CCDC30: variants seen among roughly 807,000 people sequenced by gnomAD.
CCDC30 encodes the protein coiled-coil domain containing 30.
CCDC30 carries 70 observed loss-of-function variants against 100.2 expected under a neutral mutation model. The observed-to-expected ratio is 0.70, with a 90% CI of 0.58 to 0.85. CCDC30 has a LOEUF of 0.85. CCDC30 is among the 40% of genes least tolerant of loss of function. The pLI is 0.00. For missense variants in CCDC30, 652 were observed against 771.2 expected, an observed-to-expected ratio of 0.85 and a Z score of 1.83; for synonymous variants, 233 against 269.5, an observed-to-expected ratio of 0.86 and a Z score of 1.33.
chr1:42,457,486 C>G, the CCDC30 span: 18 of 724,868 alleles, frequency 2.5e-5, no homozygotes, highest in Admixed American at 4.6e-5. Context: ...AGACACCGCC[C>G]TCCCTCATGG....
chr1:42,466,816 T>G lies in CCDC30; in HGVS notation c.-92+2918T>G, dbSNP rs184189432. On this transcript the variant is annotated intron_variant, in intron 1 of 16. Coordinates refer to ENST00000668663, the Ensembl canonical transcript of CCDC30. ...ATCCATCTGCCTCGGCCTCCCAAAG[T>G]GCTGGGATTACAGGCATGAGCCTCT... Among the ~76,000 whole-genome samples, 23 of 152,336 alleles carry G rather than the reference T, an allele frequency of 1.5e-4. No homozygotes were observed. In the East Asian group the frequency reaches 4.4e-3, roughly 29 times the overall value.
At chr1:42,539,024 G>A in intron 6 of CCDC30, 149 bp from the exon 8 acceptor site, 1 of 502,382 alleles carries the variant, frequency 2.0e-6, no homozygotes, top group Non-Finnish European at 3.4e-6. Flanking sequence ...TACTAAGAAA[G>A]GCATCGGTCT....
At position 42,579,596 on chromosome 1, in the gene CCDC30, T is replaced by C. The variant is rs147666320; in HGVS notation, c.847-1764T>C. On this transcript the variant is annotated intron_variant, in intron 8 of 16. Transcript: ENST00000668663. ...TTGCAGTGAGCTGAGATCACACCATTGCACTCCAGCCTGGGTGACAAGAGC... is the reference window on the plus strand; with the variant it reads ...TTGCAGTGAGCTGAGATCACACCATCGCACTCCAGCCTGGGTGACAAGAGC... Among the ~76,000 whole-genome samples, 219 of 151,716 alleles carry C rather than the reference T, an allele frequency of 1.4e-3. 1 individual carries two copies. The highest frequency in any genetic ancestry group is 5.0e-3 in the African/African-American group (208 of 41,332).
At chr1:42,523,803 C>T (rs1644684093) in intron 6 of CCDC30, among the ~76,000 whole-genome samples, 1 of 152,142 alleles carries the variant, frequency 6.6e-6, no homozygotes, top group South Asian at 2.1e-4. Flanking sequence ...TCCTCAAACT[C>T]AGTAATTTCA....
At chr1:42,601,318 G>A (rs1447513118) in intron 10 of CCDC30, among the ~76,000 whole-genome samples, 1 of 152,220 alleles carries the variant, frequency 6.6e-6, no homozygotes, top group Non-Finnish European at 1.5e-5. Flanking sequence ...ATTGGTGAGT[G>A]TCTGAAGGGA....
chr1:42,553,802 AT>A (rs1319226896), intron 6 of CCDC30, among the ~76,000 whole-genome samples: 3 of 152,200 alleles, frequency 2.0e-5, no homozygotes, highest in African/African-American at 7.2e-5. Flanking sequence ...TTTTATAAAA[AT>A]TTTTAAAGGC....
intron 4 of CCDC30, among the ~76,000 whole-genome samples, chr1:42,496,674 G>C (rs1230103836): frequency 6.6e-6 from 1 of 152,088 alleles, no homozygotes; most frequent in Non-Finnish European, 1.5e-5. Flanking sequence ...CTACAGCATG[G>C]AATTGTTCTA....
exon 15 of CCDC30, chr1:42,646,303 C>T (rs142983096): frequency 6.5e-7 from 1 of 1,533,710 alleles, no homozygotes. Context: ...GAAGTGGAAA[C>T]ACTCTGAGCA....
At chr1:42,595,015 G>A (rs1055868849) in intron 10 of CCDC30, 7 of 140,700 alleles carry the variant, frequency 5.0e-5, no homozygotes, top group African/African-American at 1.6e-4. Context: ...AGGTAATTTC[G>A]CTGTTTTTTT....
intron 6 of CCDC30, among the ~76,000 whole-genome samples, chr1:42,518,393 A>G (rs1257222989): frequency 2.0e-5 from 3 of 152,212 alleles, no homozygotes; most frequent in Non-Finnish European, 1.5e-5. Flanking sequence ...TTATGAGATC[A>G]TATAATCTGC....
intron 6 of CCDC30, chr1:42,500,288 G>C (rs1433860620): frequency 2.5e-6 from 4 of 1,610,698 alleles, no homozygotes; most frequent in Non-Finnish European, 3.4e-6. Context: ...GTCTTCTTCA[G>C]TTTCGACTTA....
chr1:42,485,917 A>G (rs1193732463), intron 3 of CCDC30, among the ~76,000 whole-genome samples: 3 of 152,226 alleles, frequency 2.0e-5, no homozygotes, highest in African/African-American at 7.2e-5. Flanking sequence ...AGGGAAGTGC[A>G]AAGCAAAACC....
At chr1:42,457,031 T>C in the CCDC30 span, 1 of 1,601,460 alleles carries the variant, frequency 6.2e-7, no homozygotes, top group South Asian at 1.1e-5. Context: ...GGCGGACTAT[T>C]TGCATCTGTT....
intron 6 of CCDC30, among the ~76,000 whole-genome samples, chr1:42,502,259 G>A (rs112596703): frequency 0.24 from 36,798 of 152,086 alleles, 4,823 homozygotes; most frequent in South Asian, 0.42. Flanking sequence ...TCCGAGCCGG[G>A]CGTGGGACCC....
chr1:42,656,538 C>T (rs1423125606), downstream of CCDC30, among the ~76,000 whole-genome samples: 1 of 151,978 alleles, frequency 6.6e-6, no homozygotes, highest in South Asian at 2.1e-4. Context: ...GGCTGAGGCT[C>T]GAGAATCACC....
upstream of CCDC30, among the ~76,000 whole-genome samples, chr1:42,458,670 T>C (rs1187308038): frequency 6.6e-6 from 1 of 152,242 alleles, no homozygotes; most frequent in Non-Finnish European, 1.5e-5. Context: ...GGGCAAAGTC[T>C]GATGATTAGC....
At chr1:42,499,392 T>C (rs1342585932) in intron 6 of CCDC30, among the ~76,000 whole-genome samples, 3 of 152,216 alleles carry the variant, frequency 2.0e-5, no homozygotes, top group Non-Finnish European at 4.4e-5. Context: ...CATTTATATA[T>C]GTTCTTTTGT....
chr1:42,653,425 TG>T lies in CCDC30; in HGVS notation c.1905del (p.Leu635PhefsTer14). ...GAATCCGAAGTAGTGAATGAAATAT[TG>T]CCTTTATCAAACTCCAGGTTAGTAA... On this transcript the variant is annotated frameshift_variant, in exon 16 of 17. Transcript: ENST00000668663. LOFTEE classifies it low-confidence loss of function (END_TRUNC). 2 of 1,604,762 alleles carry T rather than the reference TG, an allele frequency of 1.2e-6. No individual in the cohort carries two copies. Among genetic ancestry groups the T allele is most frequent in the South Asian group, 2.2e-5 (2 of 89,974 alleles).
chr1:42,560,153 G>A (rs1016252927), intron 6 of CCDC30, among the ~76,000 whole-genome samples: 10 of 152,114 alleles, frequency 6.6e-5, no homozygotes, highest in African/African-American at 2.4e-4. Context: ...TGGTAAGAGG[G>A]AAATTTATAC....
Sources: allele counts gnomAD v4.1 joint callset (sites outside exome capture counted in the v4.1 genomes callset), GRCh38; gene constraint gnomAD v4.1.1; transcripts MANE v1.5; gene names NCBI Gene and HGNC (gene_info 2026-07-23, HGNC 2026-07-21).